The following VOPP1 variants were observed in gnomAD, a reference collection of about 807,000 sequenced individuals.
VOPP1 encodes VOPP1 WW domain binding protein, also known as WW domain binding protein VOPP1.
In VOPP1, 8 loss-of-function variants were observed where a neutral mutation model predicts 23.5. The ratio of observed to expected loss-of-function variants is 0.34; its 90% CI spans 0.20 to 0.61. VOPP1 has a LOEUF of 0.61. Ranked by LOEUF, VOPP1 falls within the 20% of genes least tolerant of loss-of-function variation. The pLI, the probability that VOPP1 is intolerant of heterozygous loss-of-function variation, is 0.78. For synonymous variants in VOPP1, 83 were observed against 97.3 expected (o/e 0.85, Z 0.86); for missense variants, 174 against 238.1 (o/e 0.73, Z 1.77).
chr7:55,556,117 T>C (rs1797792106), intron 1 of VOPP1, among the ~76,000 whole-genome samples: 1 of 152,222 alleles, frequency 6.6e-6, no homozygotes, highest in Non-Finnish European at 1.5e-5. Context: ...ACTCACCTAG[T>C]GTCCCTAAGG....
At chr7:55,560,193 T>C (rs954838725) in intron 1 of VOPP1, among the ~76,000 whole-genome samples, 4 of 152,194 alleles carry the variant, frequency 2.6e-5, no homozygotes, top group African/African-American at 4.8e-5. Flanking sequence ...ACAACAGTGA[T>C]TTCACTAAAA....
At chr7:55,485,943 C>T (rs1427334852) in intron 4 of VOPP1, among the ~76,000 whole-genome samples, 1 of 152,220 alleles carries the variant, frequency 6.6e-6, no homozygotes, top group Non-Finnish European at 1.5e-5. Context: ...GCTCTGCTTC[C>T]CACGGGGAGA....
At chr7:55,440,594 AACAC>A (rs1173077994) in intron 4 of VOPP1, among the ~76,000 whole-genome samples, 14 of 152,194 alleles carry the variant, frequency 9.2e-5, no homozygotes, top group Non-Finnish European at 5.9e-5. Context: ...GCTGTTGGTC[AACAC>A]TTGCTTCCTC....
At chr7:55,564,691 G>A (rs555426473) in intron 1 of VOPP1, among the ~76,000 whole-genome samples, 17 of 152,264 alleles carry the variant, frequency 1.1e-4, no homozygotes, top group Admixed American at 5.2e-4. Flanking sequence ...CCGCAGGTGT[G>A]CAGCCACCTG....
rs183422385 is a variant in VOPP1, at chr7:55,462,702, C to T, written n.418-26528G>A. 2.6e-3 allele frequency among the ~76,000 whole-genome samples: 369 copies of T among 143,216 alleles called. 4 individuals are homozygous for T. The highest frequency in any genetic ancestry group is 3.5e-3 in the Non-Finnish European group (230 of 65,042). 94.0% of individuals were successfully genotyped at this position (143,216 alleles called of 152,430 possible). A position where few individuals can be genotyped will look rare whatever the true frequency, so the allele number is the denominator to read the frequency against. ...ACGGAGTCTCGCTCTGTTGCCCAGG[C>T]TGGAGTGCAGTGGCGGGATCTCGGC... On this transcript the variant is annotated intron_variant and non_coding_transcript_variant, in intron 4 of 4. Transcript: ENST00000462326.
chr7:55,459,745 CTCT>C (rs1363567944), intron 4 of VOPP1, among the ~76,000 whole-genome samples: 1 of 151,578 alleles, frequency 6.6e-6, no homozygotes, highest in Non-Finnish European at 1.5e-5. Context: ...TTTTATTTGA[CTCT>C]TCTTCCTTTT....
intron 1 of VOPP1, among the ~76,000 whole-genome samples, chr7:55,528,883 A>G (rs1796335475): frequency 6.6e-6 from 1 of 152,232 alleles, no homozygotes; most frequent in South Asian, 2.1e-4. Context: ...TGTTTATGTC[A>G]TAGTTAATTT....
chr7:55,564,508 C>T (rs897805038), intron 1 of VOPP1, among the ~76,000 whole-genome samples: 1 of 152,138 alleles, frequency 6.6e-6, no homozygotes, highest in South Asian at 2.1e-4. Context: ...TGGCTATGGA[C>T]CCTTTTTTTG....
intron 1 of VOPP1, chr7:55,538,573 CAT>C: frequency 1.7e-5 from 26 of 1,521,036 alleles, no homozygotes; most frequent in Non-Finnish European, 2.2e-5. Flanking sequence ...AACTGCTTTA[CAT>C]GGTTTAATAA....
chr7:55,508,723 T>A (rs1002998257), intron 2 of VOPP1, among the ~76,000 whole-genome samples: 1 of 152,096 alleles, frequency 6.6e-6, no homozygotes. Flanking sequence ...GTTAAAAAAA[T>A]AAATTCTGGC....
chr7:55,439,790 C>T (rs75175415), intron 4 of VOPP1, among the ~76,000 whole-genome samples: 27,259 of 152,116 alleles, frequency 0.18, 3,069 homozygotes, highest in Admixed American at 0.31. Context: ...ATGGAGGAGG[C>T]GGAGGTGCTG....
At chr7:55,463,369 C>T (rs970791007) in intron 4 of VOPP1, among the ~76,000 whole-genome samples, 3 of 152,226 alleles carry the variant, frequency 2.0e-5, no homozygotes, top group African/African-American at 7.2e-5. Context: ...TATCCTTACA[C>T]TCATATTTGT....
downstream of VOPP1, among the ~76,000 whole-genome samples, chr7:55,435,360 T>C (rs1017139251): frequency 6.6e-6 from 1 of 152,168 alleles, no homozygotes; most frequent in Non-Finnish European, 1.5e-5. Context: ...CCGGGGGTGC[T>C]GTGGGAGGCG....
intron 1 of VOPP1, among the ~76,000 whole-genome samples, 198 bp downstream of exon 1, chr7:55,572,073 C>T (rs1307403417): frequency 6.6e-6 from 1 of 152,072 alleles, no homozygotes; most frequent in African/African-American, 2.4e-5. Flanking sequence ...ACGGAAGGCG[C>T]GGACCGGGGC....
At chr7:55,506,979 G>A (rs190457583) in intron 2 of VOPP1, among the ~76,000 whole-genome samples, 70 of 152,302 alleles carry the variant, frequency 4.6e-4, no homozygotes, top group African/African-American at 1.6e-3. Context: ...ATACACTTAT[G>A]CATTTCCAGC....
chr7:55,445,930 C>T (rs1304032755), intron 4 of VOPP1, among the ~76,000 whole-genome samples: 1 of 151,708 alleles, frequency 6.6e-6, no homozygotes, highest in Non-Finnish European at 1.5e-5. Context: ...CTGTGTAGAA[C>T]ATTTCCATCC....
intron 4 of VOPP1, among the ~76,000 whole-genome samples, chr7:55,480,141 T>C (rs1223789064): frequency 6.6e-6 from 1 of 152,254 alleles, no homozygotes; most frequent in African/African-American, 2.4e-5. Flanking sequence ...CATGAATACG[T>C]AGCATTCCTA....
chr7:55,543,997 C>CT (rs1278627096), intron 1 of VOPP1, among the ~76,000 whole-genome samples: 1 of 152,160 alleles, frequency 6.6e-6, no homozygotes, highest in Non-Finnish European at 1.5e-5. Flanking sequence ...AAACAATGTC[C>CT]TGAAGCATTT....
chr7:55,507,130 T>C (rs1240903342), intron 2 of VOPP1, among the ~76,000 whole-genome samples: 2 of 152,046 alleles, frequency 1.3e-5, no homozygotes, highest in African/African-American at 4.8e-5. Context: ...CAGGAGGTGG[T>C]TCAGGCAGAA....
Sources: allele counts gnomAD v4.1 joint callset (sites outside exome capture counted in the v4.1 genomes callset), GRCh38; gene constraint gnomAD v4.1.1; transcripts MANE v1.5; gene names NCBI Gene and HGNC (gene_info 2026-07-23, HGNC 2026-07-21).